NUDT5: variants seen among roughly 807,000 people sequenced by gnomAD.
NUDT5 encodes nudix hydrolase 5.
A neutral mutation model predicts 34.1 loss-of-function variants in NUDT5; 21 were observed. The observed-to-expected ratio is 0.62, with a 90% CI of 0.44 to 0.89. The LOEUF (loss-of-function observed/expected upper bound fraction) is 0.89, where lower values mean the gene tolerates loss of function less well. Ranked by LOEUF, NUDT5 falls within the 40% of genes least tolerant of loss-of-function variation. NUDT5 has a pLI of 0.00. For missense variants in NUDT5, 249 were observed against 274.8 expected (o/e 0.91, Z 0.66); for synonymous variants, 85 against 97.6 (o/e 0.87, Z 0.76).
Position 12,170,079 on chromosome 10 carries a change from C to T in NUDT5, c.550+638G>A, listed in dbSNP as rs1834822157. ...TCCTCGTCTCCACACAGTATCTCCT[C>T]ATGTCTCCATACAGTATCTCCTCTC... On this transcript the variant is annotated intron_variant, in intron 9 of 9. Coordinates refer to ENST00000491614, the MANE Select transcript of NUDT5 (RefSeq NM_014142.4). This position sits in a 1 kb window ranked among gnomAD's most constrained non-coding sequence, Gnocchi z 4.9. The T allele has an allele frequency of 6.2e-7, 1 of 1,603,902 alleles. No homozygotes were observed. The highest frequency in any genetic ancestry group is 1.1e-5 in the South Asian group (1 of 90,860).
chr10:12,194,251 C>A (rs1261078509), intron 1 of NUDT5, among the ~76,000 whole-genome samples: 2 of 152,224 alleles, frequency 1.3e-5, no homozygotes, highest in Non-Finnish European at 2.9e-5. Flanking sequence ...TATTCTCTTC[C>A]GTACATTCAT....
rs1320864859 is a variant in NUDT5 at position 12,168,674 on chromosome 10, A to C, written c.551-863T>G. ...TGGGAACAAGCCTGGGGACATTTGC[A>C]GGCAGGAAGCATGTCCTACTCACCT... is the stretch of plus-strand genomic sequence containing the variant. On this transcript the variant is annotated intron_variant, in intron 9 of 9. Transcript: ENST00000491614. The surrounding 1 kb of genome is among the most constrained non-coding windows in gnomAD (Gnocchi z 4.8). 1.3e-5 allele frequency among the ~76,000 whole-genome samples: 2 copies of C among 152,186 alleles called. No individual in the cohort carries two copies. Among genetic ancestry groups the C allele is most frequent in the Admixed American group, 1.3e-4 (2 of 15,284 alleles).
chr10:12,194,887 G>C (rs1394763522), intron 1 of NUDT5, among the ~76,000 whole-genome samples: 6 of 54,890 alleles, frequency 1.1e-4, no homozygotes, highest in African/African-American at 4.9e-4. Context: ...GTAGGCCCGG[G>C]GCCGTGGCTC....
At chr10:12,176,733 C>T (rs922212231) in intron 5 of NUDT5, among the ~76,000 whole-genome samples, 2 of 152,214 alleles carry the variant, frequency 1.3e-5, no homozygotes, top group African/African-American at 2.4e-5. Flanking sequence ...AATTACTGTG[C>T]AAGAAAAATA....
At chr10:12,191,959 C>T (rs1004287810) in intron 1 of NUDT5, among the ~76,000 whole-genome samples, 2 of 152,070 alleles carry the variant, frequency 1.3e-5, no homozygotes, top group Non-Finnish European at 2.9e-5. Context: ...TACCCGAATC[C>T]CGGCCATCTG....
Position 12,186,230 on chromosome 10 carries a change from T to A in NUDT5, c.62A>T (p.Glu21Val). Residue 21 changes from glutamate to valine, a missense_variant and splice_region_variant, in exon 2 of 10, where the codon GAG (glutamate) becomes GTG (valine). Physicochemically the swap from Glu to Val is moderately radical, Grantham distance 121. Coordinates refer to ENST00000491614, the MANE Select transcript of NUDT5 (RefSeq NM_014142.4). ...GGGAAAGTGAAAAACAAGTTATACC[T>A]CCTCTGAAATGATATACTGTTTGCC... ...QNGKQYIISE[E>V]LISEGKWVKL... The A allele has an allele frequency of 1.2e-6, 2 of 1,610,956 alleles. No individual in the cohort carries two copies. Among genetic ancestry groups the A allele is most frequent in the Non-Finnish European group, 8.5e-7 (1 of 1,177,248 alleles).
At chr10:12,193,823 C>G (rs1835278845) in intron 1 of NUDT5, among the ~76,000 whole-genome samples, 1 of 151,800 alleles carries the variant, frequency 6.6e-6, no homozygotes, top group South Asian at 2.1e-4. Flanking sequence ...CTACACACAA[C>G]TGCAATTCTA....
In NUDT5 at chr10:12,169,790, C is replaced by T; in HGVS notation, c.550+927G>A. The T allele has an allele frequency of 3.7e-6, 1 of 273,106 alleles. No homozygotes were observed. Among genetic ancestry groups the T allele is most frequent in the East Asian group, 6.9e-5 (1 of 14,472 alleles). 16.9% of individuals were successfully genotyped at this position (273,106 alleles called of 1,614,324 possible). A position where few individuals can be genotyped will look rare whatever the true frequency, so the allele number is the denominator to read the frequency against. ...CAAAACCAGGCGCTCTGCTTATTCA[C>T]TGAAACCGTAAGCTGCTGAAACTCA... is the stretch of plus-strand genomic sequence containing the variant. On this transcript the variant is annotated intron_variant, in intron 9 of 9. Transcript: ENST00000491614. The surrounding 1 kb of genome is among the most constrained non-coding windows in gnomAD (Gnocchi z 4.8).
chr10:12,167,670 GTT>G lies in NUDT5; in HGVS notation c.*30_*31del. 2.5e-6 allele frequency: 4 copies of G among 1,604,682 alleles called. No homozygotes were observed. In the South Asian group the frequency reaches 4.4e-5, roughly 18 times the overall value. ...TTAGTGAAGAAGGCCTGGTGGTCTC[GTT>G]TACAAAAATGGCCAGTGTCATATTT... On this transcript the variant is annotated 3_prime_UTR_variant, in exon 10 of 10. Coordinates refer to ENST00000491614, the MANE Select transcript of NUDT5 (RefSeq NM_014142.4).
At position 12,176,213 on chromosome 10, in the gene NUDT5, A is replaced by T. The variant is rs150733365; in HGVS notation, c.289+1580T>A. ...ACTCTATTTCAAAAAATAAAAAAAT[A>T]AAAAAAAAGGTAATTAAATAGCCTT... On this transcript the variant is annotated intron_variant, in intron 5 of 9. Coordinates refer to ENST00000491614, the MANE Select transcript of NUDT5 (RefSeq NM_014142.4). Among the ~76,000 whole-genome samples, 847 of 151,554 alleles carry T rather than the reference A, an allele frequency of 5.6e-3. 9 individuals carry two copies. Among genetic ancestry groups the T allele is most frequent in the African/African-American group, 0.019 (771 of 41,326 alleles).
rs1001739955 is a variant in NUDT5, at chr10:12,186,467, G to A, written c.-41-135C>T. On this transcript the variant is annotated intron_variant, in intron 1 of 9. Transcript: ENST00000491614. Reference sequence around the variant, plus strand: ...ACGCTGCCTGTCTCAGTATGTGAGGGAACTGCCGCAGGTGGAAATGTGAAC... The same window carrying A: ...ACGCTGCCTGTCTCAGTATGTGAGGAAACTGCCGCAGGTGGAAATGTGAAC... 5.0e-6 allele frequency: 3 copies of A among 603,060 alleles called. No homozygotes were observed. The Admixed American group carries it at 9.0e-5, about 18-fold the overall frequency. The allele number at this position is 603,060 out of a possible 1,614,324, so 37.4% of individuals were successfully genotyped here.
chr10:12,189,495 T>A (rs758882794), intron 1 of NUDT5, among the ~76,000 whole-genome samples: 2 of 152,188 alleles, frequency 1.3e-5, no homozygotes, highest in South Asian at 4.1e-4. Flanking sequence ...ATGACAAAAA[T>A]GAGCTATTTC....
In NUDT5 at chr10:12,169,181, C is replaced by T. The variant is rs1834788992; in HGVS notation, c.551-1370G>A. On this transcript the variant is annotated intron_variant, in intron 9 of 9. Transcript: ENST00000491614. This position sits in a 1 kb window ranked among gnomAD's most constrained non-coding sequence, Gnocchi z 4.8. The stretch of plus-strand genomic sequence containing the variant: ...AAAGCTAGGCAACTTGGTTCTTTTA[C>T]CCCTCCTCCTTTATAGCCATAGTAG... 13 of 904,282 alleles carry T rather than the reference C, an allele frequency of 1.4e-5. No homozygotes were observed. The highest frequency in any genetic ancestry group is 1.9e-5 in the Non-Finnish European group (11 of 591,478). The allele number at this position is 904,282 out of a possible 1,614,324, so 56.0% of individuals were successfully genotyped here. A position where few individuals can be genotyped will look rare whatever the true frequency, so the allele number is the denominator to read the frequency against.
At position 12,173,815 on chromosome 10, in the gene NUDT5, T is replaced by C. The variant is rs1158010035; in HGVS notation, c.290-2A>G. The C allele has an allele frequency of 6.2e-7, 1 of 1,609,434 alleles. No individual in the cohort carries two copies. Among genetic ancestry groups the C allele is most frequent in the African/African-American group, 1.3e-5 (1 of 74,754 alleles). ...GGGTTTCACCATCATCTATGAGACC[T>C]GCAAGTCCAAATCATTGGTGTGATG... is the stretch of plus-strand genomic sequence containing the variant. On this transcript the variant is annotated splice_acceptor_variant, in intron 5 of 9. Coordinates refer to ENST00000491614, the MANE Select transcript of NUDT5 (RefSeq NM_014142.4). LOFTEE classifies it high-confidence loss of function. This position sits in a 1 kb window ranked among gnomAD's most constrained non-coding sequence, Gnocchi z 4.7.
Position 12,186,194 on chromosome 10 carries a change from G to A in NUDT5, c.63+35C>T, listed in dbSNP as rs372904871. The A allele has an allele frequency of 2.8e-6, 4 of 1,444,144 alleles. No homozygotes were observed. The Admixed American group carries it at 5.0e-5, about 18-fold the overall frequency. The allele number at this position is 1,444,144 out of a possible 1,614,324, so 89.5% of individuals were successfully genotyped here. A position where few individuals can be genotyped will look rare whatever the true frequency, so the allele number is the denominator to read the frequency against. On this transcript the variant is annotated intron_variant, in intron 2 of 9. Transcript: ENST00000491614. ...ATTTCTGCTAAACTCAGATTTATGTGGGGGAGGGAAGGGAAAGTGAAAAAC... is the reference window on the plus strand; with the variant it reads ...ATTTCTGCTAAACTCAGATTTATGTAGGGGAGGGAAGGGAAAGTGAAAAAC...
chr10:12,167,425 C>A lies in NUDT5; in HGVS notation c.*277G>T. The A allele has an allele frequency of 6.1e-6, 2 of 330,202 alleles. No individual in the cohort carries two copies. The highest frequency in any genetic ancestry group is 3.2e-5 in the South Asian group (1 of 31,730). 20.5% of individuals were successfully genotyped at this position (330,202 alleles called of 1,614,324 possible). On this transcript the variant is annotated 3_prime_UTR_variant, in exon 10 of 10. Transcript: ENST00000491614. ...CTACCAGACTGGACTAGAAAAGTAA[C>A]TGAGCTGTAGTTAACTGCTGTTGAG... is the stretch of plus-strand genomic sequence containing the variant.
In NUDT5 at chr10:12,167,733, T is replaced by C. The variant is rs1239559326; in HGVS notation, c.629A>G (p.Lys210Arg). The C allele has an allele frequency of 2.5e-6, 4 of 1,614,046 alleles. No homozygotes were observed. Among genetic ancestry groups the C allele is most frequent in the East Asian group, 2.2e-5 (1 of 44,892 alleles). ...YALALKHANA[K>R]PFEVPFLKF ...TTTCAAGAAGGGCACTTCAAATGGCTTTGCATTTGCATGTTTCAGTGCTAG... is the reference window on the plus strand; with the variant it reads ...TTTCAAGAAGGGCACTTCAAATGGCCTTGCATTTGCATGTTTCAGTGCTAG... The change falls in exon 10 of 10, where the codon AAG becomes AGG. Residue 210 changes from lysine (K) to arginine (R), a missense_variant. Lys to Arg is a conservative substitution (Grantham distance 26). Coordinates refer to ENST00000491614, the MANE Select transcript of NUDT5 (RefSeq NM_014142.4).
At chr10:12,174,672 GA>G (rs1199467927) in intron 5 of NUDT5, among the ~76,000 whole-genome samples, 1 of 152,220 alleles carries the variant, frequency 6.6e-6, no homozygotes, top group African/African-American at 2.4e-5. Flanking sequence ...TTCAGACCCA[GA>G]TCCATCATGA....
At chr10:12,189,884 G>A (rs1031020235) in intron 1 of NUDT5, among the ~76,000 whole-genome samples, 2 of 136,536 alleles carry the variant, frequency 1.5e-5, no homozygotes, top group African/African-American at 5.4e-5. Context: ...ACGATGTTGA[G>A]TGTTCTACAA....
Sources: allele counts gnomAD v4.1 joint callset (sites outside exome capture counted in the v4.1 genomes callset), GRCh38; gene constraint gnomAD v4.1.1; non-coding constraint Gnocchi (gnomAD v3.1); transcripts MANE v1.5; gene names NCBI Gene and HGNC (gene_info 2026-07-23, HGNC 2026-07-21).